The following KIF13B variants were observed in gnomAD, a reference collection of about 807,000 sequenced individuals.
KIF13B encodes kinesin family member 13B, also known as kinesin-like protein KIF13B.
A neutral mutation model predicts 222.0 loss-of-function variants in KIF13B; 127 were observed. The observed-to-expected ratio is 0.57, with a 90% CI of 0.50 to 0.66. KIF13B has a LOEUF of 0.66. KIF13B is among the 30% of genes least tolerant of loss of function. The pLI, the probability that KIF13B is intolerant of heterozygous loss-of-function variation, is 0.00. For synonymous variants in KIF13B, 976 were observed against 919.0 expected (o/e 1.06, Z -1.12); for missense variants, 2,173 against 2,379.0 (o/e 0.91, Z 1.80).
At chr8:29,127,084 T>G (rs759601648) in intron 25 of KIF13B, 38 bp downstream of exon 25, 1 of 1,600,456 alleles carries the variant, frequency 6.2e-7, no homozygotes. Flanking sequence ...GGTCTGATTT[T>G]GTCTTTCAAG....
chr8:29,124,423 G>C (rs1304188062), intron 26 of KIF13B, among the ~76,000 whole-genome samples: 2 of 152,178 alleles, frequency 1.3e-5, no homozygotes. Context: ...AGGTCTCTTT[G>C]CTGGATAAAA....
At chr8:29,161,936 C>G (rs1183241423) in intron 12 of KIF13B, among the ~76,000 whole-genome samples, 2 of 152,154 alleles carry the variant, frequency 1.3e-5, no homozygotes, top group African/African-American at 4.8e-5. Flanking sequence ...GGTGAGCACT[C>G]AAAACATCAG....
At position 29,069,314 on chromosome 8, in the gene KIF13B, G is replaced by A. The variant is rs1429090221; in HGVS notation, c.*1190C>T. 2 of 152,210 alleles carry A rather than the reference G, an allele frequency of 1.3e-5. No homozygotes were observed. Among genetic ancestry groups the A allele is most frequent in the African/African-American group, 2.4e-5 (1 of 41,430 alleles). The allele number at this position is 152,210 out of a possible 1,614,324, so 9.4% of individuals were successfully genotyped here. Reference sequence around the variant, plus strand: ...CCACACCATGCACGGTGGGCCTGGGGGCGTGGCTGCTGTGAGGGTCTGGAG... The same window carrying A: ...CCACACCATGCACGGTGGGCCTGGGAGCGTGGCTGCTGTGAGGGTCTGGAG... On this transcript the variant is annotated 3_prime_UTR_variant, in exon 40 of 40. Coordinates refer to ENST00000524189, the MANE Select transcript of KIF13B (RefSeq NM_015254.4).
At chr8:29,196,024 C>G (rs549386223) in intron 3 of KIF13B, among the ~76,000 whole-genome samples, 163 bp downstream of exon 3, 1 of 152,318 alleles carries the variant, frequency 6.6e-6, no homozygotes, top group South Asian at 2.1e-4. Context: ...CCGGCCCTTC[C>G]CATGCCAATA....
chr8:29,143,626 T>C (rs998471285), intron 18 of KIF13B, among the ~76,000 whole-genome samples: 13 of 152,230 alleles, frequency 8.5e-5, no homozygotes, highest in African/African-American at 7.2e-5. Context: ...GGCAGGCAGA[T>C]CACAAGGTCA....
intron 11 of KIF13B, 69 bp downstream of exon 11, chr8:29,167,304 A>C (rs2130165337): frequency 7.7e-7 from 1 of 1,306,002 alleles, no homozygotes; most frequent in Admixed American, 1.9e-5. Flanking sequence ...AGCCCAGGGG[A>C]AGGAAATTCA....
intron 13 of KIF13B, among the ~76,000 whole-genome samples, chr8:29,156,673 C>A (rs920124658): frequency 3.3e-5 from 5 of 150,896 alleles, no homozygotes; most frequent in Non-Finnish European, 5.9e-5. Flanking sequence ...CCACCTTGAC[C>A]AACTAATTTT....
chr8:29,150,853 C>T (rs1368360462), intron 14 of KIF13B, among the ~76,000 whole-genome samples: 1 of 152,014 alleles, frequency 6.6e-6, no homozygotes, highest in Admixed American at 6.6e-5. Context: ...CTTTATTCCC[C>T]GAGACACAAC....
In KIF13B at chr8:29,123,493, C is replaced by G. The variant is rs1809969585; in HGVS notation, c.3353-1G>C. ...CGGTCAGCATCATCCTCTGTTTTAT[C>G]TAGAACATCGAGAATGAGGATTCAA... On this transcript the variant is annotated splice_acceptor_variant, in intron 27 of 39. Coordinates refer to ENST00000524189, the MANE Select transcript of KIF13B (RefSeq NM_015254.4). LOFTEE classifies it high-confidence loss of function. The G allele has an allele frequency of 6.2e-7, 1 of 1,613,804 alleles. No homozygotes were observed. The highest frequency in any genetic ancestry group is 1.1e-5 in the South Asian group (1 of 91,084).
intron 2 of KIF13B, among the ~76,000 whole-genome samples, chr8:29,214,337 C>G (rs1433955795): frequency 6.6e-6 from 1 of 152,170 alleles, no homozygotes; most frequent in African/African-American, 2.4e-5. Flanking sequence ...TATCTTCTTT[C>G]TTTATATCCT....
Position 29,138,177 on chromosome 8 carries a change from C to T in KIF13B, c.2613+1886G>A, listed in dbSNP as rs149975722. Reference sequence around the variant, plus strand: ...CCAGCCTGGCCAAGATAGTGAAACCCTGTCTCTACTAAAAATACAAAATTA... The same window carrying T: ...CCAGCCTGGCCAAGATAGTGAAACCTTGTCTCTACTAAAAATACAAAATTA... On this transcript the variant is annotated intron_variant, in intron 21 of 39. Coordinates refer to ENST00000524189, the MANE Select transcript of KIF13B (RefSeq NM_015254.4). Among the ~76,000 whole-genome samples, 678 of 152,160 alleles carry T rather than the reference C, an allele frequency of 4.5e-3. 5 individuals carry two copies. Among genetic ancestry groups the T allele is most frequent in the African/African-American group, 0.015 (620 of 41,508 alleles).
intron 3 of KIF13B, among the ~76,000 whole-genome samples, chr8:29,191,725 A>G (rs1813198444): frequency 6.6e-6 from 1 of 152,184 alleles, no homozygotes; most frequent in Non-Finnish European, 1.5e-5. Context: ...AGAATATCAC[A>G]TAGTTCTTTT....
At chr8:29,225,581 T>C (rs994842834) in intron 2 of KIF13B, among the ~76,000 whole-genome samples, 3 of 152,184 alleles carry the variant, frequency 2.0e-5, no homozygotes, top group Non-Finnish European at 4.4e-5. Flanking sequence ...TAAACATTTG[T>C]TTTTAGACTA....
At chr8:29,113,789 G>T (rs1185573849) in intron 31 of KIF13B, among the ~76,000 whole-genome samples, 1 of 152,200 alleles carries the variant, frequency 6.6e-6, no homozygotes, top group African/African-American at 2.4e-5. Context: ...CATAGGAAAA[G>T]TATACACCAC....
At chr8:29,098,948 G>C (rs1303037331) in intron 36 of KIF13B, among the ~76,000 whole-genome samples, 185 bp downstream of exon 36, 1 of 152,182 alleles carries the variant, frequency 6.6e-6, no homozygotes, top group Non-Finnish European at 1.5e-5. Context: ...GTATATATCA[G>C]AGCAATGCAA....
intron 38 of KIF13B, among the ~76,000 whole-genome samples, chr8:29,074,110 C>G (rs1018794752): frequency 6.6e-6 from 1 of 152,212 alleles, no homozygotes; most frequent in African/African-American, 2.4e-5. Context: ...GCCCCCACCC[C>G]GGGTAAGGCC....
chr8:29,072,163 T>TG lies in KIF13B; in HGVS notation c.4674dup (p.Ser1559GlnfsTer5). ...CCGCTAGAGGCTTCACTCAGGGGGC[T>TG]GGGGGGCCCGTCCTGTGCCTCCGGA... On this transcript the variant is annotated frameshift_variant, in exon 39 of 40. Transcript: ENST00000524189. LOFTEE classifies it high-confidence loss of function. 2.1e-6 allele frequency: 3 copies of TG among 1,422,220 alleles called. No individual in the cohort carries two copies. The highest frequency in any genetic ancestry group is 2.8e-6 in the Non-Finnish European group (3 of 1,087,618). 88.1% of individuals were successfully genotyped at this position (1,422,220 alleles called of 1,614,324 possible).
chr8:29,208,299 A>G (rs1369197036), intron 2 of KIF13B, among the ~76,000 whole-genome samples: 1 of 152,214 alleles, frequency 6.6e-6, no homozygotes, highest in Admixed American at 6.5e-5. Flanking sequence ...TGTGCATATT[A>G]ATTTATTGGC....
chr8:29,190,280 T>C (rs1813118324), intron 4 of KIF13B: 1 of 152,298 alleles, frequency 6.6e-6, no homozygotes, highest in Non-Finnish European at 1.5e-5. Flanking sequence ...TGTTCAGTCA[T>C]GCACTTTTTG....
Sources: gnomAD v4.1 joint callset for allele counts (sites outside exome capture counted in the v4.1 genomes callset) on GRCh38, gnomAD v4.1.1 for gene constraint, MANE v1.5 for transcripts, NCBI Gene and HGNC (gene_info 2026-07-23, HGNC 2026-07-21) for gene names.